Variants in DLGAP1 observed in about 807,000 individuals in gnomAD.
DLGAP1 encodes the protein disks large-associated protein 1.
In DLGAP1, 11 loss-of-function variants were observed where a neutral mutation model predicts 90.8. That is an observed-to-expected ratio of 0.12 (90% confidence interval 0.08 to 0.20). The LOEUF (loss-of-function observed/expected upper bound fraction) is 0.20. Among genes scored for constraint, DLGAP1 ranks in the 10% least tolerant of loss-of-function variants. The pLI, the probability that DLGAP1 is intolerant of heterozygous loss-of-function variation, is 1.00. For synonymous variants in DLGAP1, 558 were observed against 540.7 expected, an observed-to-expected ratio of 1.03 and a Z score of -0.44; for missense variants, 1,050 against 1,333.8, an observed-to-expected ratio of 0.79 and a Z score of 3.31.
intron 2 of DLGAP1, among the ~76,000 whole-genome samples, chr18:4,048,033 A>G (rs926377784): frequency 6.6e-5 from 10 of 152,102 alleles, no homozygotes; most frequent in African/African-American, 2.2e-4. Flanking sequence ...CCCGGGCTCA[A>G]GCAATCTTCC....
chr18:3,951,994 G>C lies in DLGAP1; in HGVS notation c.-73+53122C>G, dbSNP rs1041513725. 4.6e-5 allele frequency among the ~76,000 whole-genome samples: 7 copies of C among 152,130 alleles called. No individual in the cohort carries two copies. The South Asian group carries it at 1.5e-3, about 32-fold the overall frequency. ...CTATTAACTGAGTATCAGTTTTACT[G>C]AAGATTTAGGTTATTAGAATTATTA... On this transcript the variant is annotated intron_variant, in intron 3 of 12. Coordinates refer to ENST00000315677, the MANE Select transcript of DLGAP1 (RefSeq NM_004746.4).
chr18:4,406,812 C>A (rs1364255087), intron 1 of DLGAP1, among the ~76,000 whole-genome samples: 1 of 152,120 alleles, frequency 6.6e-6, no homozygotes, highest in African/African-American at 2.4e-5. Context: ...ATCTTATAAG[C>A]ATGAGAACTG....
chr18:4,171,766 GA>G (rs2077030564), intron 1 of DLGAP1, among the ~76,000 whole-genome samples: 5 of 152,034 alleles, frequency 3.3e-5, no homozygotes, highest in Admixed American at 3.3e-4. Context: ...AAATGTCATA[GA>G]AAAAATAATT....
intron 3 of DLGAP1, among the ~76,000 whole-genome samples, chr18:3,905,283 C>T (rs112788994): frequency 0.032 from 4,409 of 137,544 alleles, 84 homozygotes; most frequent in African/African-American, 0.05. Context: ...AGGAGAATGG[C>T]GTGAACCCGG....
chr18:4,256,656 TAA>T (rs2078893705), intron 1 of DLGAP1, among the ~76,000 whole-genome samples: 1 of 152,150 alleles, frequency 6.6e-6, no homozygotes, highest in Non-Finnish European at 1.5e-5. Context: ...GAGTTTTTTT[TAA>T]TAATATAATC....
At chr18:4,438,942 A>G (rs575709749) in intron 1 of DLGAP1, among the ~76,000 whole-genome samples, 9 of 152,318 alleles carry the variant, frequency 5.9e-5, no homozygotes, top group Non-Finnish European at 7.3e-5. Context: ...CTGAGGGAGG[A>G]GCACGTTATA....
chr18:3,622,793 ATTTCTTTTTTTTTCTT>A (rs2058143117), intron 7 of DLGAP1, among the ~76,000 whole-genome samples: 1 of 151,832 alleles, frequency 6.6e-6, no homozygotes, highest in Admixed American at 6.6e-5. Flanking sequence ...ACATTCATTG[ATTTCTTTTTTTTTCTT>A]TTTCTTTTTT....
intron 1 of DLGAP1, among the ~76,000 whole-genome samples, chr18:4,386,554 G>A (rs1267834915): frequency 1.3e-5 from 2 of 152,238 alleles, no homozygotes; most frequent in African/African-American, 4.8e-5. Flanking sequence ...TTTTAAGTGA[G>A]CTGTAGTTGT....
intron 3 of DLGAP1, among the ~76,000 whole-genome samples, chr18:3,882,519 C>A (rs1484224324): frequency 2.9e-5 from 4 of 135,874 alleles, no homozygotes; most frequent in Non-Finnish European, 6.4e-5. Context: ...AGAATGAGAC[C>A]CTGTCTCAAA....
intron 3 of DLGAP1, among the ~76,000 whole-genome samples, chr18:3,933,309 C>T (rs1490011366): frequency 6.6e-6 from 1 of 152,170 alleles, no homozygotes; most frequent in African/African-American, 2.4e-5. Context: ...AAATGATCAG[C>T]AAATACATGC....
intron 3 of DLGAP1, among the ~76,000 whole-genome samples, chr18:3,980,628 C>T (rs2073707633): frequency 6.6e-6 from 1 of 152,178 alleles, no homozygotes; most frequent in Admixed American, 6.5e-5. Flanking sequence ...AGGAAAAAAA[C>T]CAAAACGCTC....
intron 5 of DLGAP1, among the ~76,000 whole-genome samples, chr18:3,749,108 T>TCTC (rs912538182): frequency 1.3e-5 from 2 of 150,488 alleles, no homozygotes; most frequent in African/African-American, 2.5e-5. Flanking sequence ...TCCTTCTCCT[T>TCTC]CTCCTCCTCC....
chr18:3,774,378 G>A (rs2064842168), intron 5 of DLGAP1: 1 of 152,248 alleles, frequency 6.6e-6, no homozygotes, highest in African/African-American at 2.4e-5. Context: ...TATGGTGTGA[G>A]TATCATATAG....
At chr18:3,740,962 CCACCACCAT>C (rs2062888085) in intron 6 of DLGAP1, among the ~76,000 whole-genome samples, 1 of 144,990 alleles carries the variant, frequency 6.9e-6, no homozygotes, top group Non-Finnish European at 1.5e-5. Flanking sequence ...GTCACCACCA[CCACCACCAT>C]CACATCACCA....
chr18:4,067,290 T>A (rs2075383925), intron 2 of DLGAP1, among the ~76,000 whole-genome samples: 1 of 151,720 alleles, frequency 6.6e-6, no homozygotes, highest in Non-Finnish European at 1.5e-5. Context: ...CAAATTTACC[T>A]GTGTAACAAA....
chr18:3,725,899 C>A (rs1006277326), intron 7 of DLGAP1, among the ~76,000 whole-genome samples: 1 of 152,182 alleles, frequency 6.6e-6, no homozygotes, highest in Non-Finnish European at 1.5e-5. Context: ...TCTCTTGTGG[C>A]ATCAGACTCT....
At chr18:4,385,223 A>C (rs2082206204) in intron 1 of DLGAP1, among the ~76,000 whole-genome samples, 1 of 152,150 alleles carries the variant, frequency 6.6e-6, no homozygotes, top group Non-Finnish European at 1.5e-5. Flanking sequence ...TCATTTTCAT[A>C]TACATACTCT....
chr18:4,055,617 C>T (rs189968575), intron 2 of DLGAP1, among the ~76,000 whole-genome samples: 265 of 152,200 alleles, frequency 1.7e-3, no homozygotes, highest in Non-Finnish European at 3.0e-3. Flanking sequence ...GAGACTTCTG[C>T]TTACATTTTA....
chr18:3,690,243 A>C (rs2060848321), intron 7 of DLGAP1, among the ~76,000 whole-genome samples: 1 of 151,758 alleles, frequency 6.6e-6, no homozygotes, highest in Non-Finnish European at 1.5e-5. Context: ...TGTGTCATGA[A>C]GCCCGGCTAA....
Sources: allele counts gnomAD v4.1 joint callset (sites outside exome capture counted in the v4.1 genomes callset), GRCh38; gene constraint gnomAD v4.1.1; transcripts MANE v1.5; gene names NCBI Gene and HGNC (gene_info 2026-07-23, HGNC 2026-07-21).